ST8SIA1: variants seen among roughly 807,000 people sequenced by gnomAD.
ST8SIA1 encodes the protein ST8 alpha-N-acetyl-neuraminide alpha-2,8-sialyltransferase 1, also known as alpha-N-acetylneuraminide alpha-2,8-sialyltransferase.
ST8SIA1 carries 16 observed loss-of-function variants against 35.9 expected under a neutral mutation model. That is an observed-to-expected ratio of 0.45 (90% CI 0.30 to 0.68). The LOEUF is 0.68. Among genes scored for constraint, ST8SIA1 ranks in the 30% least tolerant of loss-of-function variants. ST8SIA1 has a pLI of 0.09. For synonymous variants in ST8SIA1, 170 were observed against 169.6 expected, an observed-to-expected ratio of 1.00 and a Z score of -0.02; for missense variants, 383 against 453.6, an observed-to-expected ratio of 0.84 and a Z score of 1.41.
intron 4 of ST8SIA1, among the ~76,000 whole-genome samples, chr12:22,233,756 A>C (rs1865444357): frequency 6.6e-6 from 1 of 152,142 alleles, no homozygotes; most frequent in Non-Finnish European, 1.5e-5. Flanking sequence ...AAAAGTTTTC[A>C]CTGAAAAATC....
chr12:22,304,502 T>C (rs776496741), intron 1 of ST8SIA1, among the ~76,000 whole-genome samples: 6 of 152,134 alleles, frequency 3.9e-5, no homozygotes, highest in East Asian at 1.9e-4. Flanking sequence ...AGTGCCAGAC[T>C]CCCTTTGGGG....
intron 4 of ST8SIA1, among the ~76,000 whole-genome samples, chr12:22,227,467 G>C (rs575856866): frequency 6.6e-6 from 1 of 151,910 alleles, no homozygotes; most frequent in African/African-American, 2.4e-5. Flanking sequence ...CCAGCTACTC[G>C]GGAGGCTGAG....
At chr12:22,270,740 C>A (rs1865903316) in intron 2 of ST8SIA1, among the ~76,000 whole-genome samples, 1 of 152,114 alleles carries the variant, frequency 6.6e-6, no homozygotes, top group African/African-American at 2.4e-5. Flanking sequence ...ACACTAAAAG[C>A]CCTGACTTCA....
intron 1 of ST8SIA1, among the ~76,000 whole-genome samples, chr12:22,301,087 ATTTC>A (rs779442265): frequency 6.6e-5 from 10 of 152,052 alleles, no homozygotes; most frequent in South Asian, 2.1e-4. Flanking sequence ...GAGGTAATAA[ATTTC>A]TTTGTCAATT....
At chr12:22,255,508 A>G (rs924438494) in intron 2 of ST8SIA1, 119 bp from the exon 3 acceptor site, 4 of 846,960 alleles carry the variant, frequency 4.7e-6, no homozygotes, top group Non-Finnish European at 7.8e-6. Flanking sequence ...AGCAAAAAAG[A>G]GCATGTGAAA....
chr12:22,207,940 C>T (rs1329369828), intron 4 of ST8SIA1, among the ~76,000 whole-genome samples: 3 of 151,794 alleles, frequency 2.0e-5, no homozygotes, highest in African/African-American at 7.3e-5. Flanking sequence ...GTCAGGAGTT[C>T]GAGACCAGCC....
intron 4 of ST8SIA1, among the ~76,000 whole-genome samples, chr12:22,205,790 G>T (rs1865100699): frequency 6.6e-6 from 1 of 151,802 alleles, no homozygotes; most frequent in Non-Finnish European, 1.5e-5. Flanking sequence ...AAAAAATCAT[G>T]AACTTATCAG....
intron 2 of ST8SIA1, among the ~76,000 whole-genome samples, chr12:22,275,966 G>T (rs1310225149): frequency 6.6e-6 from 1 of 152,210 alleles, no homozygotes; most frequent in Non-Finnish European, 1.5e-5. Context: ...GGTGCTGGCA[G>T]TGCTCCGGGA....
At chr12:22,305,908 G>A (rs1281273481) in intron 1 of ST8SIA1, among the ~76,000 whole-genome samples, 2 of 152,136 alleles carry the variant, frequency 1.3e-5, no homozygotes, top group East Asian at 3.8e-4. Context: ...TTCTAATCTT[G>A]TGGTTTTGGG....
chr12:22,212,396 CTGTT>C (rs1375836438), intron 4 of ST8SIA1, among the ~76,000 whole-genome samples: 3 of 152,168 alleles, frequency 2.0e-5, no homozygotes, highest in Non-Finnish European at 4.4e-5. Flanking sequence ...CTCTGAGCAG[CTGTT>C]TGTTTACCCA....
At chr12:22,244,160 A>T (rs1865572266) in intron 4 of ST8SIA1, among the ~76,000 whole-genome samples, 2 of 152,238 alleles carry the variant, frequency 1.3e-5, no homozygotes, top group African/African-American at 4.8e-5. Context: ...CTTTAAAATT[A>T]ACTATAAGTT....
At chr12:22,265,562 TAC>T (rs1203348392) in intron 2 of ST8SIA1, among the ~76,000 whole-genome samples, 4 of 152,228 alleles carry the variant, frequency 2.6e-5, no homozygotes, top group Admixed American at 2.6e-4. Context: ...ACTGACTTCT[TAC>T]AGTTGTTGTG....
chr12:22,201,832 T>C lies in ST8SIA1; in HGVS notation c.791A>G (p.Lys264Arg), dbSNP rs777323675. The change falls in exon 5 of 5, where the codon AAA becomes AGA. Residue 264 changes from lysine (K) to arginine (R), a missense_variant. Transcript: ENST00000396037. ...GCGCTTGGCATGGATTCCTCTACTT[T>C]TCCAGAACTTTCCAATGCTACGCAG... ...NFLRSIGKFW[K>R]SRGIHAKRLS... 6.2e-7 allele frequency: 1 copy of C among 1,614,136 alleles called. No individual in the cohort carries two copies. The highest frequency in any genetic ancestry group is 8.5e-7 in the Non-Finnish European group (1 of 1,179,986).
chr12:22,228,861 CT>C, intron 4 of ST8SIA1, among the ~76,000 whole-genome samples: 1 of 151,972 alleles, frequency 6.6e-6, no homozygotes, highest in Non-Finnish European at 1.5e-5. Context: ...CAAGACCAGC[CT>C]GGCCAACATG....
chr12:22,243,018 CCTT>C (rs1258700077), intron 4 of ST8SIA1, among the ~76,000 whole-genome samples: 1 of 152,166 alleles, frequency 6.6e-6, no homozygotes, highest in African/African-American at 2.4e-5. Flanking sequence ...TAGCAAAGCT[CCTT>C]CTTACTGAGA....
rs1193617871 is a variant in ST8SIA1 at position 22,195,188 on chromosome 12, CAAAAAAAAAAAAAAAA to C, written c.*6348_*6363del. The C allele has an allele frequency of 2.0e-5, 1 of 51,054 alleles. No homozygotes were observed. The highest frequency in any genetic ancestry group is 3.9e-5 in the Non-Finnish European group (1 of 25,832). 3.2% of individuals were successfully genotyped at this position (51,054 alleles called of 1,614,324 possible). ...ACAAGAGCAAAAAACTCTGTCTCAA[CAAAAAAAAAAAAAAAA>C]AAAAAAAAGAAAGAAAGAAAGAAAG... On this transcript the variant is annotated 3_prime_UTR_variant, in exon 5 of 5. Transcript: ENST00000396037.
rs539689649 is a variant in ST8SIA1, at chr12:22,273,819, A to G, written c.381+13330T>C. ...ACCATGTCTCAAGCACTATGCTACA[A>G]ACTGAGACACATAACTCCCTATCAT... is the stretch of plus-strand genomic sequence containing the variant. On this transcript the variant is annotated intron_variant, in intron 2 of 4. Coordinates refer to ENST00000396037, the MANE Select transcript of ST8SIA1 (RefSeq NM_003034.4). 3.3e-5 allele frequency among the ~76,000 whole-genome samples: 5 copies of G among 152,298 alleles called. No individual in the cohort carries two copies. The East Asian group carries it at 9.6e-4, about 29-fold the overall frequency.
chr12:22,211,367 T>C (rs1262276603), intron 4 of ST8SIA1, among the ~76,000 whole-genome samples: 1 of 152,196 alleles, frequency 6.6e-6, no homozygotes, highest in Non-Finnish European at 1.5e-5. Context: ...GCTAAAAGTC[T>C]CAATCCTCTA....
intron 4 of ST8SIA1, among the ~76,000 whole-genome samples, chr12:22,235,278 ATT>A (rs1477642425): frequency 6.6e-6 from 1 of 152,228 alleles, no homozygotes; most frequent in African/African-American, 2.4e-5. Flanking sequence ...AAATAAAAAT[ATT>A]GTTTTAAACA....
Sources: allele counts gnomAD v4.1 joint callset (sites outside exome capture counted in the v4.1 genomes callset), GRCh38; gene constraint gnomAD v4.1.1; transcripts MANE v1.5; gene names NCBI Gene and HGNC (gene_info 2026-07-23, HGNC 2026-07-21).